The following EXOC2 variants were observed in gnomAD, a reference collection of about 807,000 sequenced individuals.
The protein encoded by EXOC2 is SEC5-like 1.
A neutral mutation model predicts 131.8 loss-of-function variants in EXOC2; 70 were observed. The ratio of observed to expected loss-of-function variants is 0.53; its 90% CI spans 0.44 to 0.65. EXOC2 has a LOEUF of 0.65. EXOC2 is among the 30% of genes least tolerant of loss of function. EXOC2 has a pLI of 0.00. For missense variants in EXOC2, 923 were observed against 1,108.6 expected (o/e 0.83, Z 2.38); for synonymous variants, 411 against 398.4 (o/e 1.03, Z -0.38).
At chr6:558,756 T>A (rs1757553018) in intron 17 of EXOC2, among the ~76,000 whole-genome samples, 1 of 151,986 alleles carries the variant, frequency 6.6e-6, no homozygotes, top group Admixed American at 6.6e-5. Context: ...GATGTTGCAG[T>A]AAGCCGAGAT....
rs60588220 is a variant in EXOC2 at position 671,354 on chromosome 6, C to CA, written c.-44+21664dup. 8.3e-3 allele frequency among the ~76,000 whole-genome samples: 1,244 copies of CA among 149,564 alleles called. 11 individuals are homozygous for CA. The highest frequency in any genetic ancestry group is 0.018 in the African/African-American group (733 of 40,726). ...TGTCTCAAAACAACAACAACAACAA[C>CA]AAAAAAAAACAAAAAAAGAAAAACT... On this transcript the variant is annotated intron_variant, in intron 1 of 27. Transcript: ENST00000230449.
chr6:651,440 G>A lies in EXOC2; in HGVS notation c.-43-13579C>T, dbSNP rs186508144. 6.9e-3 allele frequency among the ~76,000 whole-genome samples: 1,030 copies of A among 149,898 alleles called. 13 individuals carry two copies. The highest frequency in any genetic ancestry group is 0.024 in the African/African-American group (977 of 40,814). ...AGGCTGAGGCGGGCAGATAACTTGAGGTCAGGAGTTTGAAACCAGCCTGGC... is the reference window on the plus strand; with the variant it reads ...AGGCTGAGGCGGGCAGATAACTTGAAGTCAGGAGTTTGAAACCAGCCTGGC... On this transcript the variant is annotated intron_variant, in intron 1 of 27. Coordinates refer to ENST00000230449, the MANE Select transcript of EXOC2 (RefSeq NM_018303.6).
At chr6:555,000 A>C (rs1298942451) in intron 20 of EXOC2, among the ~76,000 whole-genome samples, 1 of 152,226 alleles carries the variant, frequency 6.6e-6, no homozygotes, top group Non-Finnish European at 1.5e-5. Flanking sequence ...TTAATAAGCT[A>C]ATCATGTCTT....
chr6:507,137 TACACACAC>T (rs551491811), intron 23 of EXOC2, among the ~76,000 whole-genome samples: 33 of 44,964 alleles, frequency 7.3e-4, no homozygotes, highest in Non-Finnish European at 1.7e-3. Flanking sequence ...CACACACACA[TACACACAC>T]ACACACAAGA....
At chr6:491,546 C>T (rs1723061027) in intron 25 of EXOC2, among the ~76,000 whole-genome samples, 1 of 152,252 alleles carries the variant, frequency 6.6e-6, no homozygotes, top group Admixed American at 6.5e-5. Context: ...GAAACACTGC[C>T]CTGAAAGGGC....
Position 572,568 on chromosome 6 carries a change from G to C in EXOC2, c.1395C>G (p.Asn465Lys). 4.3e-6 allele frequency: 7 copies of C among 1,614,210 alleles called. No individual in the cohort carries two copies. The highest frequency in any genetic ancestry group is 5.9e-6 in the Non-Finnish European group (7 of 1,180,044). The change falls in exon 13 of 28, where the codon AAC becomes AAG. Residue 465 changes from asparagine (N) to lysine (K), a missense_variant. Coordinates refer to ENST00000230449, the MANE Select transcript of EXOC2 (RefSeq NM_018303.6). Reference protein sequence around the residue: ...LTKLVLSQLPNFWKLWISYVN... With the variant: ...LTKLVLSQLPKFWKLWISYVN... ...CGTAGGAGATCCAGAGTTTCCAGAAGTTAGGCAGCTGGCTCAAGACGAGTT... is the reference window on the plus strand; with the variant it reads ...CGTAGGAGATCCAGAGTTTCCAGAACTTAGGCAGCTGGCTCAAGACGAGTT...
intron 23 of EXOC2, among the ~76,000 whole-genome samples, chr6:518,323 C>A (rs1383721601): frequency 1.3e-5 from 2 of 152,140 alleles, no homozygotes; most frequent in African/African-American, 4.8e-5. Context: ...TTAAGTCGGC[C>A]AACAGGTCAA....
intron 7 of EXOC2, among the ~76,000 whole-genome samples, chr6:605,881 C>T (rs200526561): frequency 1.3e-5 from 2 of 152,180 alleles, no homozygotes; most frequent in Non-Finnish European, 2.9e-5. Flanking sequence ...AAATGTGTCC[C>T]AGAGATTCTG....
rs1051940483 is a variant in EXOC2 at position 486,235 on chromosome 6, T to G, written c.*436A>C. On this transcript the variant is annotated 3_prime_UTR_variant, in exon 28 of 28. Transcript: ENST00000230449. The stretch of plus-strand genomic sequence containing the variant: ...CTGTACAGTTTAGGACAGTAAGAGC[T>G]CCAAAGATGTCTACATAGCTTTCCA... The G allele has an allele frequency of 2.6e-5, 4 of 156,796 alleles. No individual in the cohort carries two copies. The highest frequency in any genetic ancestry group is 9.7e-5 in the African/African-American group (4 of 41,440). The allele number at this position is 156,796 out of a possible 1,614,324, so 9.7% of individuals were successfully genotyped here.
chr6:577,649 C>T (rs934103616), intron 11 of EXOC2, among the ~76,000 whole-genome samples: 1 of 152,152 alleles, frequency 6.6e-6, no homozygotes, highest in African/African-American at 2.4e-5. Context: ...TAGTCTAAAA[C>T]ACCACTCTTT....
chr6:547,173 T>C (rs1488361974), intron 22 of EXOC2, among the ~76,000 whole-genome samples: 1 of 152,238 alleles, frequency 6.6e-6, no homozygotes, highest in African/African-American at 2.4e-5. Context: ...CACTGATCAT[T>C]ACATTTTAAT....
At chr6:692,719 C>G (rs1429179503) in intron 1 of EXOC2, among the ~76,000 whole-genome samples, 2 of 151,900 alleles carry the variant, frequency 1.3e-5, no homozygotes, top group South Asian at 2.1e-4. Flanking sequence ...CTCCAGCGGG[C>G]GGGGCCTGGA....
intron 23 of EXOC2, among the ~76,000 whole-genome samples, chr6:511,896 A>G (rs556694196): frequency 6.6e-6 from 1 of 152,376 alleles, no homozygotes; most frequent in South Asian, 2.1e-4. Flanking sequence ...GATCACTCGC[A>G]TCACTCCGCC....
intron 1 of EXOC2, among the ~76,000 whole-genome samples, chr6:678,319 G>A (rs1183615921): frequency 1.3e-5 from 2 of 152,114 alleles, no homozygotes; most frequent in African/African-American, 2.4e-5. Flanking sequence ...CTTAAAATAG[G>A]AATAATAACT....
At chr6:647,289 A>T (rs1233000230) in intron 1 of EXOC2, among the ~76,000 whole-genome samples, 3 of 152,096 alleles carry the variant, frequency 2.0e-5, no homozygotes, top group Non-Finnish European at 4.4e-5. Context: ...TTAAAACTTA[A>T]TGAAAATAAT....
chr6:551,198 C>A (rs1225173364), intron 21 of EXOC2, among the ~76,000 whole-genome samples: 3 of 152,162 alleles, frequency 2.0e-5, no homozygotes, highest in African/African-American at 7.2e-5. Flanking sequence ...TAGATTATTT[C>A]AGTGATCCCC....
rs540219472 is a variant in EXOC2 at position 610,112 on chromosome 6, T to A, written c.728A>T (p.Glu243Val). Residue 243 changes from glutamate (E) to valine (V), a missense_variant, in exon 7 of 28, where the codon GAG becomes GTG. By Grantham distance (121) the Glu-to-Val change is moderately radical. Transcript: ENST00000230449. ...ACAAAACTTACTGTTCAGAACATTC[T>A]CCAGTTTCTGCGTCATGGATCCTTC... ...KVEGSMTQKL[E>V]NVLNRASNTA... 1.9e-5 allele frequency: 30 copies of A among 1,614,046 alleles called. No individual in the cohort carries two copies. In the South Asian group the frequency reaches 3.2e-4, roughly 17 times the overall value.
intron 1 of EXOC2, chr6:655,924 C>G: frequency 1.9e-6 from 1 of 514,972 alleles, no homozygotes; most frequent in Non-Finnish European, 3.4e-6. Flanking sequence ...ATAAACAAAA[C>G]ATGAACTACC....
chr6:486,958 A>G (rs1028460421), intron 27 of EXOC2, among the ~76,000 whole-genome samples, 194 bp from the exon 28 acceptor site: 3 of 152,358 alleles, frequency 2.0e-5, no homozygotes, highest in African/African-American at 7.2e-5. Flanking sequence ...GGATATACTG[A>G]TAACGTATTT....
Sources: gnomAD v4.1 joint callset for allele counts (sites outside exome capture counted in the v4.1 genomes callset) on GRCh38, gnomAD v4.1.1 for gene constraint, MANE v1.5 for transcripts, NCBI Gene and HGNC (gene_info 2026-07-23, HGNC 2026-07-21) for gene names.